The following PHF24 variants were observed in gnomAD, a reference collection of about 807,000 sequenced individuals.
PHF24 encodes the protein PHD finger protein 24.
PHF24 carries 25 observed loss-of-function variants against 42.6 expected under a neutral mutation model. That is an observed-to-expected ratio of 0.59 (90% CI 0.43 to 0.82). PHF24 has a LOEUF of 0.82. PHF24 is among the 40% of genes least tolerant of loss of function. The pLI, the probability that PHF24 is intolerant of heterozygous loss-of-function variation, is 0.00. For missense variants in PHF24, 470 were observed against 538.1 expected, an observed-to-expected ratio of 0.87 and a Z score of 1.25; for synonymous variants, 185 against 204.8, an observed-to-expected ratio of 0.90 and a Z score of 0.83.
the PHF24 span, among the ~76,000 whole-genome samples, chr9:34,798,852 G>A: frequency 1.3e-5 from 2 of 151,994 alleles, no homozygotes; most frequent in Non-Finnish European, 2.9e-5. Flanking sequence ...TCTTCTCCAC[G>A]GCCTTGCCAA....
the PHF24 span, among the ~76,000 whole-genome samples, chr9:34,848,332 G>A: frequency 1.3e-5 from 2 of 151,564 alleles, no homozygotes; most frequent in African/African-American, 2.4e-5. Flanking sequence ...GTCTTGGGAG[G>A]GTGTATGTGT....
the PHF24 span, among the ~76,000 whole-genome samples, chr9:34,775,658 C>G: frequency 3.9e-5 from 6 of 152,194 alleles, no homozygotes; most frequent in African/African-American, 1.4e-4. Context: ...AAAATAAAAT[C>G]TATTTTAAAA....
chr9:34,895,118 T>C, the PHF24 span: 4 of 398,472 alleles, frequency 1.0e-5, no homozygotes, highest in Non-Finnish European at 1.8e-5. Flanking sequence ...GCAAAGCTGC[T>C]ACACCATTTT....
chr9:34,945,394 A>T, the PHF24 span, among the ~76,000 whole-genome samples: 2 of 152,246 alleles, frequency 1.3e-5, no homozygotes, highest in African/African-American at 2.4e-5. Context: ...AGAGGGAATC[A>T]GAGAAGGCTG....
the PHF24 span, among the ~76,000 whole-genome samples, chr9:34,914,757 C>A: frequency 6.6e-6 from 1 of 151,824 alleles, no homozygotes; most frequent in Non-Finnish European, 1.5e-5. Flanking sequence ...TGATCACTTG[C>A]TTTTCTTTTT....
At chr9:34,716,555 TTTTGTTTTGC>T in the PHF24 span, among the ~76,000 whole-genome samples, 4 of 134,308 alleles carry the variant, frequency 3.0e-5, no homozygotes, top group Non-Finnish European at 4.7e-5. Context: ...TTTTTGTTTG[TTTTGTTTTGC>T]TTTGTTTTGT....
chr9:34,833,066 G>T, the PHF24 span: 1 of 1,540,174 alleles, frequency 6.5e-7, no homozygotes, highest in Non-Finnish European at 8.7e-7. Context: ...CTGGTCTTCA[G>T]CAGGGCGTCT....
the PHF24 span, among the ~76,000 whole-genome samples, chr9:34,693,223 T>C: frequency 6.6e-6 from 1 of 152,198 alleles, no homozygotes; most frequent in Non-Finnish European, 1.5e-5. Context: ...CTATCCATTC[T>C]CCACTCTTCA....
At chr9:34,718,090 C>T in the PHF24 span, among the ~76,000 whole-genome samples, 1 of 152,216 alleles carries the variant, frequency 6.6e-6, no homozygotes, top group Non-Finnish European at 1.5e-5. Context: ...GGAGGGCTTC[C>T]CTTCCCGCCG....
chr9:34,936,598 T>G, the PHF24 span, among the ~76,000 whole-genome samples: 33 of 141,846 alleles, frequency 2.3e-4, no homozygotes, highest in Admixed American at 5.7e-4. Flanking sequence ...GTCTCTGCCC[T>G]GCCGCCATCC....
At chr9:34,946,252 T>C in the PHF24 span, among the ~76,000 whole-genome samples, 1 of 152,266 alleles carries the variant, frequency 6.6e-6, no homozygotes, top group Admixed American at 6.5e-5. Context: ...TTATTATTAA[T>C]GGTAGGTGGT....
At chr9:34,894,412 C>A in the PHF24 span, 1 of 398,456 alleles carries the variant, frequency 2.5e-6, no homozygotes, top group Non-Finnish European at 4.4e-6. Context: ...AGACTAGCAG[C>A]TGGGAGACTG....
At chr9:34,937,151 C>T in the PHF24 span, among the ~76,000 whole-genome samples, 1 of 152,124 alleles carries the variant, frequency 6.6e-6, no homozygotes, top group Non-Finnish European at 1.5e-5. Context: ...GGGAGGCGTA[C>T]CCAACAGCTC....
chr9:34,880,554 G>T, the PHF24 span, among the ~76,000 whole-genome samples: 4 of 152,162 alleles, frequency 2.6e-5, no homozygotes, highest in African/African-American at 2.4e-5. Context: ...AGGGGTTGCA[G>T]TCCTAGTCTC....
the PHF24 span, among the ~76,000 whole-genome samples, chr9:34,846,209 C>T: frequency 2.0e-5 from 3 of 152,332 alleles, no homozygotes; most frequent in East Asian, 3.9e-4. Flanking sequence ...AGTTTACAAT[C>T]CCACAAACAG....
chr9:34,914,915 AC>A, the PHF24 span, among the ~76,000 whole-genome samples: 1 of 145,158 alleles, frequency 6.9e-6, no homozygotes, highest in Middle Eastern at 3.4e-3. Context: ...CCCCCTGAGT[AC>A]CTGGGACTAC....
the PHF24 span, among the ~76,000 whole-genome samples, chr9:34,843,903 A>G: frequency 2.0e-5 from 3 of 152,150 alleles, no homozygotes; most frequent in Admixed American, 1.3e-4. Context: ...GGTAGAATTC[A>G]GTAGTGAAGC....
the PHF24 span, among the ~76,000 whole-genome samples, chr9:34,719,549 G>T: frequency 6.6e-6 from 1 of 152,162 alleles, no homozygotes; most frequent in African/African-American, 2.4e-5. Context: ...AATCCTGAAG[G>T]TATCAGTTCC....
the PHF24 span, among the ~76,000 whole-genome samples, chr9:34,878,534 A>G: frequency 9.8e-5 from 15 of 152,300 alleles, no homozygotes; most frequent in African/African-American, 1.9e-4. Flanking sequence ...TGCTTTTCCA[A>G]TGGTCTTCGC....
Sources: allele counts gnomAD v4.1 joint callset (sites outside exome capture counted in the v4.1 genomes callset), GRCh38; gene constraint gnomAD v4.1.1; transcripts MANE v1.5; gene names NCBI Gene and HGNC (gene_info 2026-07-23, HGNC 2026-07-21).